CDC42SE2: variants seen among roughly 807,000 people sequenced by gnomAD.
The protein encoded by CDC42SE2 is CDC42 small effector 2.
Under a neutral mutation model 11.5 loss-of-function variants are expected in CDC42SE2, and 3 were observed. The ratio of observed to expected loss-of-function variants is 0.26; its 90% CI spans 0.12 to 0.67. The LOEUF (loss-of-function observed/expected upper bound fraction) is 0.67, where lower values mean the gene tolerates loss of function less well. Among genes scored for constraint, CDC42SE2 ranks in the 30% least tolerant of loss-of-function variants. The pLI, the probability that CDC42SE2 is intolerant of heterozygous loss-of-function variation, is 0.80. For missense variants in CDC42SE2, 82 were observed against 106.8 expected (o/e 0.77, Z 1.02); for synonymous variants, 33 against 34.8 (o/e 0.95, Z 0.18).
chr5:131,282,732 C>T (rs71591956), intron 1 of CDC42SE2, among the ~76,000 whole-genome samples: 3 of 149,308 alleles, frequency 2.0e-5, no homozygotes, highest in Non-Finnish European at 4.5e-5. Context: ...GGGTTCATGC[C>T]ATTCTCCTGC....
At chr5:131,259,477 TCTGA>T (rs149646887), upstream of CDC42SE2, among the ~76,000 whole-genome samples, 6,401 of 150,550 alleles carry the variant, frequency 0.043, 340 homozygotes, top group African/African-American at 0.13. Context: ...GCTTTGTAGT[TCTGA>T]CTCAGAAAAA....
chr5:131,369,684 ACT>A (rs1749961869), intron 3 of CDC42SE2, among the ~76,000 whole-genome samples: 1 of 152,092 alleles, frequency 6.6e-6, no homozygotes, highest in Non-Finnish European at 1.5e-5. Flanking sequence ...GTGAACAGTA[ACT>A]CTGACTTATT....
Position 131,277,763 on chromosome 5 carries a change from G to A in CDC42SE2, c.-455+13597G>A, listed in dbSNP as rs529772495. ...AATCTCAGCTTAAATATCACCTCCT[G>A]CTTCCTCACCACTCAGTTAAAAATA... On this transcript the variant is annotated intron_variant, in intron 1 of 4. Coordinates refer to ENST00000505065, the MANE Select transcript of CDC42SE2 (RefSeq NM_001375635.1). Among the ~76,000 whole-genome samples, 167 of 152,204 alleles carry A rather than the reference G, an allele frequency of 1.1e-3. 2 individuals are homozygous for A. In the South Asian group the frequency reaches 0.033, roughly 30 times the overall value.
intron 1 of CDC42SE2, among the ~76,000 whole-genome samples, chr5:131,286,089 G>C (rs1410157905): frequency 2.8e-5 from 4 of 141,438 alleles, no homozygotes; most frequent in Non-Finnish European, 6.0e-5. Context: ...GGGTCTCACT[G>C]TGTCACCCAT....
intron 1 of CDC42SE2, among the ~76,000 whole-genome samples, chr5:131,287,768 C>A (rs983716377): frequency 4.6e-5 from 7 of 152,118 alleles, no homozygotes; most frequent in Non-Finnish European, 1.0e-4. Context: ...AGCACCATAT[C>A]CTACCGAAAT....
chr5:131,282,981 G>A (rs1757268897), intron 1 of CDC42SE2, among the ~76,000 whole-genome samples: 1 of 145,932 alleles, frequency 6.9e-6, no homozygotes. Context: ...AGGCTGGAGT[G>A]CAGTGGTGCA....
chr5:131,243,317 C>T (rs901892697), upstream of CDC42SE2, among the ~76,000 whole-genome samples: 3 of 152,148 alleles, frequency 2.0e-5, no homozygotes, highest in Non-Finnish European at 2.9e-5. Context: ...CGGTGGCTCA[C>T]GCCTGTAATC....
chr5:131,276,317 T>C (rs114128706), intron 1 of CDC42SE2, among the ~76,000 whole-genome samples: 13 of 150,150 alleles, frequency 8.7e-5, no homozygotes, highest in African/African-American at 3.2e-4. Context: ...TAGCCAGGCC[T>C]GTACACCCAT....
chr5:131,325,484 G>GTTT (rs34758151), intron 2 of CDC42SE2, among the ~76,000 whole-genome samples: 3 of 142,920 alleles, frequency 2.1e-5, no homozygotes, highest in Non-Finnish European at 3.1e-5. Flanking sequence ...CCATTAAGTG[G>GTTT]TTTTTTTTTT....
chr5:131,235,110 C>T, the CDC42SE2 span, among the ~76,000 whole-genome samples: 1 of 151,916 alleles, frequency 6.6e-6, no homozygotes, highest in Non-Finnish European at 1.5e-5. Flanking sequence ...ATGCTGTTCT[C>T]AAACTCCTGA....
In CDC42SE2 at chr5:131,325,990, T is replaced by C. The variant is rs187173906; in HGVS notation, c.-286+9846T>C. 3.9e-4 allele frequency among the ~76,000 whole-genome samples: 59 copies of C among 152,306 alleles called. 1 individual carries two copies. Among genetic ancestry groups the C allele is most frequent in the African/African-American group, 1.4e-3 (58 of 41,560 alleles). On this transcript the variant is annotated intron_variant, in intron 2 of 4. Coordinates refer to ENST00000505065, the MANE Select transcript of CDC42SE2 (RefSeq NM_001375635.1). ...GAGTGACCAAGTCAGCAAAAATTGA[T>C]CCAGTTAGAGGGTAGTCTTGAATTT...
intron 3 of CDC42SE2, among the ~76,000 whole-genome samples, chr5:131,361,817 G>A (rs1270006446): frequency 6.6e-6 from 1 of 152,218 alleles, no homozygotes; most frequent in Non-Finnish European, 1.5e-5. Flanking sequence ...GCCAAACTCC[G>A]CCTCATCCAG....
chr5:131,238,676 T>G, the CDC42SE2 span, among the ~76,000 whole-genome samples: 1 of 151,056 alleles, frequency 6.6e-6, no homozygotes, highest in Non-Finnish European at 1.5e-5. Flanking sequence ...TTCTCTAGCT[T>G]CCATTTTACT....
At chr5:131,222,062 A>G in the CDC42SE2 span, among the ~76,000 whole-genome samples, 1 of 152,256 alleles carries the variant, frequency 6.6e-6, no homozygotes, top group East Asian at 1.9e-4. Flanking sequence ...CCTTTCAGAC[A>G]GCTCTGACTC....
At chr5:131,371,773 C>T (rs1277267612) in intron 3 of CDC42SE2, among the ~76,000 whole-genome samples, 3 of 152,142 alleles carry the variant, frequency 2.0e-5, no homozygotes, top group African/African-American at 7.2e-5. Context: ...GAAATGAACA[C>T]CCATGTTGGA....
intron 1 of CDC42SE2, among the ~76,000 whole-genome samples, chr5:131,275,358 G>A (rs1035309869): frequency 2.7e-5 from 4 of 150,932 alleles, no homozygotes; most frequent in African/African-American, 9.8e-5. Context: ...GTGCGGTGGT[G>A]TGATCTCGGC....
rs1024380621 is a variant in CDC42SE2, at chr5:131,394,325, G to A, written c.*3234G>A. 1 of 152,348 alleles carries A rather than the reference G, an allele frequency of 6.6e-6. No individual in the cohort carries two copies. The allele number at this position is 152,348 out of a possible 1,614,324, so 9.4% of individuals were successfully genotyped here. A position where few individuals can be genotyped will look rare whatever the true frequency, so the allele number is the denominator to read the frequency against. On this transcript the variant is annotated 3_prime_UTR_variant, in exon 5 of 5. Coordinates refer to ENST00000505065, the MANE Select transcript of CDC42SE2 (RefSeq NM_001375635.1). ...TACTTTCCCATGATGTAGGCATGAA[G>A]TGGTGCCAGTAAGCGTAGAGCGGAA...
chr5:131,344,447 G>A (rs1253962851), intron 2 of CDC42SE2, among the ~76,000 whole-genome samples: 1 of 152,348 alleles, frequency 6.6e-6, no homozygotes, highest in Middle Eastern at 3.4e-3. Flanking sequence ...CAGCAAGGCT[G>A]GGGGAGTGGC....
chr5:131,332,381 G>T (rs898868872), intron 2 of CDC42SE2, among the ~76,000 whole-genome samples: 1 of 152,194 alleles, frequency 6.6e-6, no homozygotes, highest in Non-Finnish European at 1.5e-5. Context: ...TGGACATTTG[G>T]CTTGGTTCCA....
Sources: allele counts gnomAD v4.1 joint callset (sites outside exome capture counted in the v4.1 genomes callset), GRCh38; gene constraint gnomAD v4.1.1; transcripts MANE v1.5; gene names NCBI Gene and HGNC (gene_info 2026-07-23, HGNC 2026-07-21).